ADGRB1: variants seen among roughly 807,000 people sequenced by gnomAD.
ADGRB1 encodes the protein brain-specific angiogenesis inhibitor 1.
A neutral mutation model predicts 175.7 loss-of-function variants in ADGRB1; 36 were observed. The ratio of observed to expected loss-of-function variants is 0.20; its 90% CI spans 0.16 to 0.27. ADGRB1 has a LOEUF of 0.27. Ranked by LOEUF, ADGRB1 falls within the 10% of genes least tolerant of loss-of-function variation. The pLI, the probability that ADGRB1 is intolerant of heterozygous loss-of-function variation, is 1.00. For missense variants in ADGRB1, 1,731 were observed against 2,255.3 expected (o/e 0.77, Z 4.71); for synonymous variants, 1,054 against 979.4 (o/e 1.08, Z -1.42).
At chr8:142,469,565 GTGTGTGCA>G (rs749835706) in intron 2 of ADGRB1, among the ~76,000 whole-genome samples, 2,135 of 150,140 alleles carry the variant, frequency 0.014, 42 homozygotes, top group African/African-American at 0.046. Flanking sequence ...GTGTGTGAAT[GTGTGTGCA>G]TGTGTGCATG....
intron 2 of ADGRB1, among the ~76,000 whole-genome samples, chr8:142,469,575 G>GCA (rs1431989935): frequency 1.3e-3 from 198 of 149,314 alleles, no homozygotes; most frequent in African/African-American, 4.6e-3. Context: ...GTGTGTGCAT[G>GCA]TGTGCATGTG....
chr8:142,498,019 AGGG>A (rs780993328), intron 17 of ADGRB1, among the ~76,000 whole-genome samples: 1 of 152,098 alleles, frequency 6.6e-6, no homozygotes, highest in Admixed American at 6.5e-5. Flanking sequence ...TGCCTGGCCC[AGGG>A]GCCTCTCAGC....
chr8:142,502,437 A>ATGATGGG (rs1563719165), intron 17 of ADGRB1, among the ~76,000 whole-genome samples: 1 of 558 alleles, frequency 1.8e-3, no homozygotes, highest in Non-Finnish European at 3.3e-3. Context: ...TGGTGGTGGT[A>ATGATGGG]GTGGTGGTGA....
At chr8:142,484,590 G>A in intron 12 of ADGRB1, 66 bp from the exon 13 acceptor site, 3 of 1,442,640 alleles carry the variant, frequency 2.1e-6, no homozygotes, top group South Asian at 1.2e-5. Flanking sequence ...ACAGGGAAGG[G>A]AAGGAGGCAG....
intron 1 of ADGRB1, among the ~76,000 whole-genome samples, chr8:142,450,753 C>G (rs902177957): frequency 2.0e-5 from 3 of 152,180 alleles, no homozygotes; most frequent in African/African-American, 7.2e-5. Flanking sequence ...AGTGGAGACT[C>G]CCTGGAGGTA....
At position 142,510,819 on chromosome 8, in the gene ADGRB1, C is replaced by CGGGACG. The variant is rs1487960205; in HGVS notation, c.2676-110_2676-109insACGGGG. On this transcript the variant is annotated intron_variant, in intron 17 of 30. Transcript: ENST00000517894. The surrounding 1 kb of genome is among the most constrained non-coding windows in gnomAD (Gnocchi z 6.3). The stretch of plus-strand genomic sequence containing the variant: ...GGCTGCGGGCGCAGGTGCGGGGCGG[C>CGGGACG]GGGCCGGGGCCGGGGCCGGGGCGCG... 4.6e-6 allele frequency: 2 copies of CGGGACG among 439,464 alleles called. No homozygotes were observed. Among genetic ancestry groups the CGGGACG allele is most frequent in the Non-Finnish European group, 6.0e-6 (2 of 334,982 alleles). The allele number at this position is 439,464 out of a possible 1,614,324, so 27.2% of individuals were successfully genotyped here.
chr8:142,505,977 A>G (rs1014517454), intron 17 of ADGRB1, among the ~76,000 whole-genome samples: 2 of 152,192 alleles, frequency 1.3e-5, no homozygotes, highest in African/African-American at 4.8e-5. Context: ...TGCCCTCCCC[A>G]TTCATTCACG....
chr8:142,482,043 C>T (rs1841369301), intron 11 of ADGRB1, among the ~76,000 whole-genome samples: 1 of 150,840 alleles, frequency 6.6e-6, no homozygotes, highest in Admixed American at 6.6e-5. Flanking sequence ...TGATCATAGG[C>T]TGAGCCCTGA....
rs1333806357 is a variant in ADGRB1, at chr8:142,450,085, G to A, written c.-239G>A. 1.3e-5 allele frequency: 2 copies of A among 149,362 alleles called. No individual in the cohort carries two copies. The highest frequency in any genetic ancestry group is 2.1e-4 in the South Asian group (1 of 4,710). The allele number at this position is 149,362 out of a possible 1,614,324, so 9.3% of individuals were successfully genotyped here. A position where few individuals can be genotyped will look rare whatever the true frequency, so the allele number is the denominator to read the frequency against. ...CGCCGGATCGAGTCCTCGCCGGCGG[G>A]GCCGCTGCTGCTGGGGAAGGTAAGG... On this transcript the variant is annotated 5_prime_UTR_variant, in exon 1 of 31. Transcript: ENST00000517894.
intron 14 of ADGRB1, 50 bp from the exon 15 acceptor site, chr8:142,488,985 C>T (rs1166132738): frequency 6.3e-7 from 1 of 1,586,276 alleles, no homozygotes; most frequent in Non-Finnish European, 8.6e-7. Context: ...CCAAGTCCCA[C>T]CCTGGCTGTG....
At chr8:142,468,979 A>G (rs1450986295) in intron 2 of ADGRB1, among the ~76,000 whole-genome samples, 3 of 152,258 alleles carry the variant, frequency 2.0e-5, no homozygotes, top group Non-Finnish European at 4.4e-5. Context: ...GCACTCAGTC[A>G]GTCCAAGTTG....
intron 17 of ADGRB1, among the ~76,000 whole-genome samples, chr8:142,506,534 T>A (rs1204510862): frequency 6.6e-6 from 1 of 152,232 alleles, no homozygotes; most frequent in African/African-American, 2.4e-5. Context: ...TCCAAGTTTC[T>A]GTAGCTGACG....
intron 6 of ADGRB1, 49 bp from the exon 7 acceptor site, chr8:142,478,138 T>C (rs934164732): frequency 3.2e-5 from 50 of 1,560,480 alleles, no homozygotes; most frequent in Non-Finnish European, 4.3e-5. Flanking sequence ...AAGCCAGGCA[T>C]TGGGGTGCCG....
At position 142,511,356 on chromosome 8, in the gene ADGRB1, G is replaced by T. The variant is rs930509503; in HGVS notation, c.2817+283G>T. Among the ~76,000 whole-genome samples, 1 of 152,106 alleles carries T rather than the reference G, an allele frequency of 6.6e-6. No individual in the cohort carries two copies. The highest frequency in any genetic ancestry group is 1.5e-5 in the Non-Finnish European group (1 of 68,002). On this transcript the variant is annotated intron_variant, in intron 18 of 30. Transcript: ENST00000517894. This position sits in a 1 kb window ranked among gnomAD's most constrained non-coding sequence, Gnocchi z 4.5. ...GGGTCCCATCTCCCCTGGCCTTGGA[G>T]GCCCGGGATCTCCGAGGGAGCCTGG...
chr8:142,464,894 G>C lies in ADGRB1; in HGVS notation c.696G>C (p.Gly232=). Residue 232 remains glycine (G), a synonymous_variant, in exon 2 of 31, where the codon GGG becomes GGC. Coordinates refer to ENST00000517894, the MANE Select transcript of ADGRB1 (RefSeq NM_001702.3). The stretch of plus-strand genomic sequence containing the variant: ...CCGCGGGACCCCTGGCCCCCCGCGG[G>C]GATGTCTGCTTGAGAGATGCGGTGG... ...GPAAGPLAPR[G]DVCLRDAVAG... 6.5e-7 allele frequency: 1 copy of C among 1,527,086 alleles called. No individual in the cohort carries two copies. Among genetic ancestry groups the C allele is most frequent in the Non-Finnish European group, 8.8e-7 (1 of 1,142,382 alleles). The allele number at this position is 1,527,086 out of a possible 1,614,324, so 94.6% of individuals were successfully genotyped here. A position where few individuals can be genotyped will look rare whatever the true frequency, so the allele number is the denominator to read the frequency against.
intron 1 of ADGRB1, among the ~76,000 whole-genome samples, chr8:142,459,117 G>A (rs1839836820): frequency 6.6e-6 from 1 of 152,248 alleles, no homozygotes; most frequent in Non-Finnish European, 1.5e-5. Context: ...GTGGAGGCCT[G>A]GCATGGGGTG....
intron 1 of ADGRB1, among the ~76,000 whole-genome samples, chr8:142,451,519 G>A (rs1320057245): frequency 1.3e-5 from 2 of 152,082 alleles, no homozygotes; most frequent in African/African-American, 2.4e-5. Flanking sequence ...GCAGGAAGGC[G>A]TGTGGGCGGG....
chr8:142,490,717 G>A (rs1316403119), intron 16 of ADGRB1, 55 bp from the exon 17 acceptor site: 1 of 1,538,118 alleles, frequency 6.5e-7, no homozygotes, highest in Non-Finnish European at 8.8e-7. Context: ...GTGACCCGAG[G>A]GTGGGGGCTG....
At chr8:142,532,354 C>T (rs555929778) in intron 24 of ADGRB1, among the ~76,000 whole-genome samples, 28 of 152,350 alleles carry the variant, frequency 1.8e-4, no homozygotes, top group Admixed American at 3.3e-4. Flanking sequence ...TCAGAGGCCA[C>T]GCGCGGAACC....
Sources: gnomAD v4.1 joint callset for allele counts (sites outside exome capture counted in the v4.1 genomes callset) on GRCh38, gnomAD v4.1.1 for gene constraint, Gnocchi (gnomAD v3.1) non-coding constraint, MANE v1.5 for transcripts, NCBI Gene and HGNC (gene_info 2026-07-23, HGNC 2026-07-21) for gene names.